FGF1: variants seen among roughly 807,000 people sequenced by gnomAD.
FGF1 encodes the protein beta-endothelial cell growth factor.
A neutral mutation model predicts 13.4 loss-of-function variants in FGF1; 9 were observed. That is an observed-to-expected ratio of 0.67 (90% confidence interval 0.40 to 1.17). FGF1 has a LOEUF of 1.17. Among genes scored for constraint, FGF1 ranks in the 50% most tolerant of loss-of-function variants. The pLI, the probability that FGF1 is intolerant of heterozygous loss-of-function variation, is 0.01. For synonymous variants in FGF1, 93 were observed against 79.0 expected, an observed-to-expected ratio of 1.18 and a Z score of -0.94; for missense variants, 156 against 192.7, an observed-to-expected ratio of 0.81 and a Z score of 1.13.
chr5:142,623,958 T>C (rs1762062681), intron 1 of FGF1, among the ~76,000 whole-genome samples: 1 of 151,812 alleles, frequency 6.6e-6, no homozygotes, highest in Non-Finnish European at 1.5e-5. Context: ...TCGCTCTTGT[T>C]GCCCAGGCTG....
rs1177046792 is a variant in FGF1, at chr5:142,594,103, A to C, written c.*1187T>G. ...GCTGCCTGAATGCTCAGGTAGACTC[A>C]TGAGGTGTGCATTTTTAAGGGTTAG... On this transcript the variant is annotated 3_prime_UTR_variant, in exon 4 of 4. Transcript: ENST00000337706. 6.6e-6 allele frequency: 1 copy of C among 152,334 alleles called. No homozygotes were observed. The allele number at this position is 152,334 out of a possible 1,614,324, so 9.4% of individuals were successfully genotyped here. A position where few individuals can be genotyped will look rare whatever the true frequency, so the allele number is the denominator to read the frequency against.
rs1320187504 is a variant in FGF1 at position 142,646,204 on chromosome 5, T to C, written c.-34-32043A>G. 1.1e-4 allele frequency among the ~76,000 whole-genome samples: 14 copies of C among 132,962 alleles called. 1 individual carries two copies. The highest frequency in any genetic ancestry group is 1.5e-4 in the Admixed American group (2 of 12,972). 87.2% of individuals were successfully genotyped at this position (132,962 alleles called of 152,430 possible). On this transcript the variant is annotated intron_variant, in intron 1 of 3. Transcript: ENST00000337706. ...GATTACAGGCGTGAGCCACCGCACCTGGCCTTTTTTTTTTTTTTTTTTTTT... is the reference window on the plus strand; with the variant it reads ...GATTACAGGCGTGAGCCACCGCACCCGGCCTTTTTTTTTTTTTTTTTTTTT...
chr5:142,674,142 C>CA (rs1772033591), intron 1 of FGF1, among the ~76,000 whole-genome samples: 1 of 152,200 alleles, frequency 6.6e-6, no homozygotes, highest in African/African-American at 2.4e-5. Flanking sequence ...CCTCCCCTCC[C>CA]AATGTATAAT....
At chr5:142,631,545 T>C (rs1034417870) in intron 1 of FGF1, among the ~76,000 whole-genome samples, 1 of 152,220 alleles carries the variant, frequency 6.6e-6, no homozygotes, top group African/African-American at 2.4e-5. Flanking sequence ...GGCTGGGTCA[T>C]CACTTGAGCA....
intron 1 of FGF1, among the ~76,000 whole-genome samples, chr5:142,669,881 C>G (rs1039874566): frequency 4.6e-5 from 7 of 152,130 alleles, no homozygotes; most frequent in African/African-American, 1.7e-4. Context: ...CCCAGTGCAG[C>G]CGGTTACCAC....
At chr5:142,619,007 T>C (rs1467549099) in intron 1 of FGF1, among the ~76,000 whole-genome samples, 5 of 138,636 alleles carry the variant, frequency 3.6e-5, no homozygotes, top group Admixed American at 2.4e-4. Context: ...CAATCTCGGC[T>C]CACTGCAAGC....
chr5:142,650,413 C>A (rs776741728), intron 1 of FGF1, among the ~76,000 whole-genome samples: 3 of 152,220 alleles, frequency 2.0e-5, no homozygotes, highest in Non-Finnish European at 4.4e-5. Flanking sequence ...CACTTAGTGG[C>A]TGTGTGCCCT....
At chr5:142,678,783 G>A (rs1175227664) in intron 1 of FGF1, among the ~76,000 whole-genome samples, 1 of 152,228 alleles carries the variant, frequency 6.6e-6, no homozygotes, top group Non-Finnish European at 1.5e-5. Context: ...GGGCTGCCTA[G>A]TCCACTGCAG....
chr5:142,694,088 AATCTATCTATCTATCTATCT>A (rs35496779), intron 2 of FGF1, among the ~76,000 whole-genome samples: 40 of 140,612 alleles, frequency 2.8e-4, no homozygotes, highest in African/African-American at 8.6e-4. Context: ...ATCTATCTAT[AATCTATCTATCTATCTATCT>A]ATCTATCTAT....
intron 1 of FGF1, among the ~76,000 whole-genome samples, chr5:142,657,905 A>T (rs571299838): frequency 6.6e-6 from 1 of 152,100 alleles, no homozygotes; most frequent in South Asian, 2.1e-4. Context: ...GGCCTGTCCT[A>T]GGTGGTTCTG....
At chr5:142,671,222 G>A (rs1266223705) in intron 1 of FGF1, among the ~76,000 whole-genome samples, 1 of 152,156 alleles carries the variant, frequency 6.6e-6, no homozygotes, top group African/African-American at 2.4e-5. Flanking sequence ...TATTCAACAT[G>A]GTTCAGGAGA....
chr5:142,665,591 A>T (rs1770155087), intron 1 of FGF1, among the ~76,000 whole-genome samples: 1 of 151,682 alleles, frequency 6.6e-6, no homozygotes, highest in Non-Finnish European at 1.5e-5. Flanking sequence ...TCCTCCCGGA[A>T]TTCCCTCAAC....
chr5:142,648,659 T>TA (rs892555126), intron 1 of FGF1, among the ~76,000 whole-genome samples: 158 of 12,314 alleles, frequency 0.013, 1 homozygote, highest in African/African-American at 0.054. Context: ...AGTATAATAA[T>TA]AAAAAAAAAG....
In FGF1 at chr5:142,685,949, A is replaced by G. The variant is rs1751086936; in HGVS notation, c.-35+8T>C. The G allele has an allele frequency of 6.6e-6, 1 of 152,096 alleles. No homozygotes were observed. The highest frequency in any genetic ancestry group is 1.5e-5 in the Non-Finnish European group (1 of 68,134). 9.4% of individuals were successfully genotyped at this position (152,096 alleles called of 1,614,324 possible). On this transcript the variant is annotated splice_region_variant and intron_variant, in intron 1 of 3. Transcript: ENST00000337706. Reference sequence around the variant, plus strand: ...TCTGTTTCCCAGATCAGATGCCCTGATTCTTACCTAAAGAGCTTGTAGGCC... The same window carrying G: ...TCTGTTTCCCAGATCAGATGCCCTGGTTCTTACCTAAAGAGCTTGTAGGCC...
intron 1 of FGF1, among the ~76,000 whole-genome samples, chr5:142,663,470 GT>G (rs1276312668): frequency 1.3e-5 from 2 of 152,276 alleles, no homozygotes; most frequent in African/African-American, 4.8e-5. Flanking sequence ...GAACAAGGGT[GT>G]TTTAAAGAGA....
chr5:142,679,701 G>T (rs144827328), intron 1 of FGF1, among the ~76,000 whole-genome samples: 3 of 151,912 alleles, frequency 2.0e-5, no homozygotes, highest in Admixed American at 6.6e-5. Flanking sequence ...CACTCTTTCT[G>T]TTCATTCCTT....
chr5:142,616,567 A>T (rs1760290059), intron 1 of FGF1, among the ~76,000 whole-genome samples: 3 of 152,164 alleles, frequency 2.0e-5, no homozygotes, highest in South Asian at 4.1e-4. Flanking sequence ...CTCCATCCTC[A>T]CTGTCTCTTC....
chr5:142,593,417 A>G lies in FGF1; in HGVS notation c.*1873T>C, dbSNP rs1754646369. 6.6e-6 allele frequency: 1 copy of G among 152,246 alleles called. No individual in the cohort carries two copies. The highest frequency in any genetic ancestry group is 2.4e-5 in the African/African-American group (1 of 41,476). 9.4% of individuals were successfully genotyped at this position (152,246 alleles called of 1,614,324 possible). On this transcript the variant is annotated 3_prime_UTR_variant, in exon 4 of 4. Transcript: ENST00000337706. ...CTATTATTAACCATAATGTCAGCTT[A>G]CTTAGGTCAATTCTTCAATTGCACT...
chr5:142,598,201 G>A (rs897760583), intron 3 of FGF1, among the ~76,000 whole-genome samples: 3 of 152,084 alleles, frequency 2.0e-5, no homozygotes, highest in African/African-American at 7.2e-5. Flanking sequence ...CTCATAGTGG[G>A]CATCAGGCCT....
Sources: allele counts gnomAD v4.1 joint callset (sites outside exome capture counted in the v4.1 genomes callset), GRCh38; gene constraint gnomAD v4.1.1; transcripts MANE v1.5; gene names NCBI Gene and HGNC (gene_info 2026-07-23, HGNC 2026-07-21).